The following ZNF385D variants were observed in gnomAD, a reference collection of about 807,000 sequenced individuals.
The protein encoded by ZNF385D is zinc finger protein 659.
In ZNF385D, 15 loss-of-function variants were observed where a neutral mutation model predicts 35.8. The observed-to-expected ratio is 0.42, with a 90% CI of 0.28 to 0.64. ZNF385D has a LOEUF of 0.64. Among genes scored for constraint, ZNF385D ranks in the 30% least tolerant of loss-of-function variants. ZNF385D has a pLI of 0.23. For synonymous variants in ZNF385D, 212 were observed against 186.8 expected (o/e 1.13, Z -1.10); for missense variants, 474 against 494.6 (o/e 0.96, Z 0.39).
At chr3:21,869,030 T>C (rs1157107868) in intron 3 of ZNF385D, among the ~76,000 whole-genome samples, 1 of 152,082 alleles carries the variant, frequency 6.6e-6, no homozygotes, top group Non-Finnish European at 1.5e-5. Context: ...ATTCATTTTG[T>C]TTCTGTTTCA....
chr3:22,366,795 G>T (rs1032539955), intron 2 of ZNF385D, among the ~76,000 whole-genome samples: 3 of 152,138 alleles, frequency 2.0e-5, no homozygotes, highest in Admixed American at 1.3e-4. Context: ...GGATTATAAG[G>T]GTAGGCTTTA....
chr3:22,194,486 T>C (rs1696271461), intron 2 of ZNF385D, among the ~76,000 whole-genome samples: 1 of 151,916 alleles, frequency 6.6e-6, no homozygotes, highest in Non-Finnish European at 1.5e-5. Context: ...TATTTTTCCA[T>C]TTATATCTTT....
At chr3:21,585,005 T>C (rs1462717600) in intron 2 of ZNF385D, among the ~76,000 whole-genome samples, 1 of 152,154 alleles carries the variant, frequency 6.6e-6, no homozygotes, top group Non-Finnish European at 1.5e-5. Context: ...AGAAAAGAGA[T>C]TGTATGTGTA....
At chr3:21,794,482 A>G (rs982220720) in intron 3 of ZNF385D, among the ~76,000 whole-genome samples, 1 of 152,142 alleles carries the variant, frequency 6.6e-6, no homozygotes, top group African/African-American at 2.4e-5. Context: ...TAGCTTATAC[A>G]CAACAGGAAG....
Position 21,835,001 on chromosome 3 carries a change from G to A in ZNF385D, c.326-169973C>T, listed in dbSNP as rs900690706. 1.3e-5 allele frequency among the ~76,000 whole-genome samples: 2 copies of A among 152,194 alleles called. 1 individual carries two copies. Among genetic ancestry groups the A allele is most frequent in the Middle Eastern group, 6.8e-3 (2 of 294 alleles). ...CAGTCTCAGGTAGTTCTTTATAACAGTGTGGAAATTGACTAATACATACAC... is the reference window on the plus strand; with the variant it reads ...CAGTCTCAGGTAGTTCTTTATAACAATGTGGAAATTGACTAATACATACAC... On this transcript the variant is annotated intron_variant, in intron 3 of 5. Transcript: ENST00000494108.
At chr3:21,806,854 A>G (rs34027151) in intron 3 of ZNF385D, among the ~76,000 whole-genome samples, 2,556 of 152,334 alleles carry the variant, frequency 0.017, 31 homozygotes, top group Non-Finnish European at 0.026. Flanking sequence ...GACTTTGTGA[A>G]TCAAAAAAAC....
chr3:22,045,256 G>C (rs538133826), intron 3 of ZNF385D, among the ~76,000 whole-genome samples: 2 of 152,096 alleles, frequency 1.3e-5, no homozygotes, highest in Admixed American at 6.6e-5. Context: ...ATCCATTTGA[G>C]TTGATTTTTC....
chr3:22,363,047 T>G (rs780457731), intron 2 of ZNF385D, among the ~76,000 whole-genome samples: 6 of 152,266 alleles, frequency 3.9e-5, no homozygotes, highest in Non-Finnish European at 7.4e-5. Flanking sequence ...CTTAGTTCGC[T>G]GTGCCCTACT....
intron 3 of ZNF385D, among the ~76,000 whole-genome samples, chr3:21,948,862 C>T (rs991039101): frequency 2.0e-5 from 3 of 152,000 alleles, no homozygotes; most frequent in Admixed American, 2.0e-4. Flanking sequence ...ATCTAAAAAT[C>T]TTGTGTAAGA....
rs76652887 is a variant in ZNF385D at position 22,152,185 on chromosome 3, C to T, written c.325+16632G>A. Reference sequence around the variant, plus strand: ...CATGTTCTTGCAAATGATATGATCTCGTTCTTTTTTATGGCTGCATAGTAA... The same window carrying T: ...CATGTTCTTGCAAATGATATGATCTTGTTCTTTTTTATGGCTGCATAGTAA... On this transcript the variant is annotated intron_variant, in intron 3 of 5. Transcript: ENST00000494108. Among the ~76,000 whole-genome samples, 908 of 152,208 alleles carry T rather than the reference C, an allele frequency of 6.0e-3. 4 individuals are homozygous for T. The highest frequency in any genetic ancestry group is 9.4e-3 in the Non-Finnish European group (637 of 68,010).
chr3:21,815,789 C>CA (rs1406697915), intron 3 of ZNF385D, among the ~76,000 whole-genome samples: 3 of 152,058 alleles, frequency 2.0e-5, no homozygotes, highest in African/African-American at 7.3e-5. Flanking sequence ...GAAACTATTC[C>CA]AATCAATAGA....
chr3:21,830,119 G>A (rs1694894329), intron 3 of ZNF385D, among the ~76,000 whole-genome samples: 1 of 136,266 alleles, frequency 7.3e-6, no homozygotes, highest in South Asian at 2.3e-4. Context: ...GTGACACTCT[G>A]TCAAAAAAAA....
chr3:22,082,142 C>A (rs923005086), intron 3 of ZNF385D, among the ~76,000 whole-genome samples: 2 of 152,068 alleles, frequency 1.3e-5, no homozygotes, highest in African/African-American at 2.4e-5. Context: ...ATTGACGCAG[C>A]AGATGGGTGA....
intron 2 of ZNF385D, among the ~76,000 whole-genome samples, chr3:22,219,640 T>A (rs1020350327): frequency 6.6e-6 from 1 of 152,180 alleles, no homozygotes; most frequent in Non-Finnish European, 1.5e-5. Context: ...TCAGGTTTCA[T>A]AAAGGTAACT....
intron 2 of ZNF385D, among the ~76,000 whole-genome samples, chr3:21,582,086 A>T (rs948821352): frequency 6.6e-6 from 1 of 152,226 alleles, no homozygotes; most frequent in African/African-American, 2.4e-5. Flanking sequence ...GAAACTGAGG[A>T]AAAACCAGGA....
intron 2 of ZNF385D, among the ~76,000 whole-genome samples, chr3:21,584,854 G>C (rs1208614563): frequency 6.6e-6 from 1 of 152,032 alleles, no homozygotes; most frequent in Admixed American, 6.6e-5. Flanking sequence ...CACTCCTCTA[G>C]TTTTCTATTC....
intron 3 of ZNF385D, among the ~76,000 whole-genome samples, chr3:22,034,228 A>C (rs887965599): frequency 1.3e-5 from 2 of 152,178 alleles, no homozygotes; most frequent in African/African-American, 4.8e-5. Context: ...AGTTCTCGTG[A>C]ATGAAATTAG....
intron 2 of ZNF385D, among the ~76,000 whole-genome samples, chr3:22,312,160 C>G (rs1386887619): frequency 6.6e-6 from 1 of 152,104 alleles, no homozygotes; most frequent in East Asian, 1.9e-4. Context: ...AGCCTCTTCC[C>G]TTTGTATTAT....
intron 3 of ZNF385D, among the ~76,000 whole-genome samples, chr3:22,144,157 C>T (rs1353314693): frequency 6.6e-6 from 1 of 151,978 alleles, no homozygotes; most frequent in East Asian, 1.9e-4. Flanking sequence ...CAATTTTTAG[C>T]TAAATTTAAG....
Sources: gnomAD v4.1 joint callset for allele counts (sites outside exome capture counted in the v4.1 genomes callset) on GRCh38, gnomAD v4.1.1 for gene constraint, MANE v1.5 for transcripts, NCBI Gene and HGNC (gene_info 2026-07-23, HGNC 2026-07-21) for gene names.